The following NAMPT variants were observed in gnomAD, a reference collection of about 807,000 sequenced individuals.
NAMPT encodes NAmPRTase.
Under a neutral mutation model 58.7 loss-of-function variants are expected in NAMPT, and 7 were observed. The observed-to-expected ratio is 0.12, with a 90% CI of 0.07 to 0.22. NAMPT has a LOEUF of 0.22. Ranked by LOEUF, NAMPT falls within the 10% of genes least tolerant of loss-of-function variation. The pLI is 1.00. For missense variants in NAMPT, 271 were observed against 567.9 expected, an observed-to-expected ratio of 0.48 and a Z score of 5.31; for synonymous variants, 145 against 198.1, an observed-to-expected ratio of 0.73 and a Z score of 2.25.
intron 6 of NAMPT, among the ~76,000 whole-genome samples, chr7:106,265,680 C>G (rs889117924): frequency 2.0e-5 from 3 of 150,812 alleles, no homozygotes; most frequent in Admixed American, 1.3e-4. Context: ...AGTTGAATAT[C>G]TTCATCTCAG....
At chr7:106,275,234 C>T in intron 2 of NAMPT, 185 bp from the exon 3 acceptor site, 1 of 401,894 alleles carries the variant, frequency 2.5e-6, no homozygotes. Context: ...TTTAATAACT[C>T]AAAGTATAAA....
At chr7:106,260,888 C>G (rs1364343147) in intron 8 of NAMPT, among the ~76,000 whole-genome samples, 1 of 152,156 alleles carries the variant, frequency 6.6e-6, no homozygotes, top group Non-Finnish European at 1.5e-5. Flanking sequence ...TGCCCTAAAA[C>G]AATCACAGTA....
At chr7:106,254,131 TTAAA>T (rs2115724073) in intron 9 of NAMPT, among the ~76,000 whole-genome samples, 1 of 152,298 alleles carries the variant, frequency 6.6e-6, no homozygotes, top group Non-Finnish European at 1.5e-5. Flanking sequence ...ATTATCTCTC[TTAAA>T]TAATCTTTTT....
intron 3 of NAMPT, 73 bp from the exon 4 acceptor site, chr7:106,272,731 C>A (rs1446820542): frequency 1.9e-6 from 3 of 1,541,870 alleles, no homozygotes; most frequent in Non-Finnish European, 2.7e-6. Context: ...ACTAAAGGTT[C>A]TTTACGTTTT....
At chr7:106,265,523 C>T (rs1190588290) in intron 6 of NAMPT, among the ~76,000 whole-genome samples, 4 of 147,152 alleles carry the variant, frequency 2.7e-5, no homozygotes, top group African/African-American at 7.7e-5. Flanking sequence ...CTGACTTAGG[C>T]ACTTGTCTTC....
chr7:106,264,433 A>G (rs1027393069), intron 6 of NAMPT, among the ~76,000 whole-genome samples: 2 of 152,002 alleles, frequency 1.3e-5, no homozygotes, highest in Admixed American at 1.3e-4. Context: ...AATGCTTGGG[A>G]CCAGAAGTAT....
At chr7:106,257,820 G>A (rs1389921958) in intron 8 of NAMPT, among the ~76,000 whole-genome samples, 1 of 152,232 alleles carries the variant, frequency 6.6e-6, no homozygotes, top group East Asian at 1.9e-4. Flanking sequence ...GGTAGGCACA[G>A]CAACAGGCAG....
intron 2 of NAMPT, 22 bp from the exon 3 acceptor site, chr7:106,275,071 G>T: frequency 6.9e-7 from 1 of 1,448,120 alleles, no homozygotes; most frequent in Non-Finnish European, 9.7e-7. Flanking sequence ...TACATGTCCT[G>T]TTTACATTTC....
In NAMPT at chr7:106,249,069, A is replaced by G. The variant is rs1475659611; in HGVS notation, c.*2014T>C. 1 of 152,136 alleles carries G rather than the reference A, an allele frequency of 6.6e-6. No individual in the cohort carries two copies. The highest frequency in any genetic ancestry group is 6.6e-5 in the Admixed American group (1 of 15,240). The allele number at this position is 152,136 out of a possible 1,614,324, so 9.4% of individuals were successfully genotyped here. A position where few individuals can be genotyped will look rare whatever the true frequency, so the allele number is the denominator to read the frequency against. ...AAACACAAAATTATGGGTGATTATC[A>G]AAACTATTATTGGTAATAGTTTCTT... On this transcript the variant is annotated 3_prime_UTR_variant, in exon 11 of 11. Coordinates refer to ENST00000222553, the MANE Select transcript of NAMPT (RefSeq NM_005746.3).
intron 2 of NAMPT, 47 bp downstream of exon 2, chr7:106,276,976 G>A (rs374552294): frequency 4.4e-5 from 63 of 1,425,890 alleles, no homozygotes; most frequent in Admixed American, 1.0e-4. Flanking sequence ...TCCTAAAGGA[G>A]TTAAGAGTAA....
intron 1 of NAMPT, among the ~76,000 whole-genome samples, chr7:106,277,737 A>T (rs1462021900): frequency 6.6e-6 from 1 of 152,184 alleles, no homozygotes; most frequent in Non-Finnish European, 1.5e-5. Flanking sequence ...CCTGTTTTGT[A>T]ATCTCCCTTT....
At chr7:106,275,342 T>C (rs1385304383) in intron 2 of NAMPT, 2 of 181,546 alleles carry the variant, frequency 1.1e-5, no homozygotes, top group Non-Finnish European at 1.1e-5. Context: ...CTCGATTAAT[T>C]TTGGTACTTT....
chr7:106,254,879 G>A (rs1186177989), intron 8 of NAMPT, among the ~76,000 whole-genome samples: 1 of 152,146 alleles, frequency 6.6e-6, no homozygotes, highest in Non-Finnish European at 1.5e-5. Flanking sequence ...CAAGCAATGG[G>A]AGCCAATTTA....
chr7:106,253,221 C>T (rs1394564405), intron 9 of NAMPT, 70 bp from the exon 10 acceptor site: 11 of 1,500,832 alleles, frequency 7.3e-6, no homozygotes, highest in Non-Finnish European at 1.0e-5. Flanking sequence ...CACTCCCTTA[C>T]AAAAAAGCAC....
At chr7:106,273,588 A>C (rs1252466868) in intron 3 of NAMPT, among the ~76,000 whole-genome samples, 2 of 152,126 alleles carry the variant, frequency 1.3e-5, no homozygotes, top group Non-Finnish European at 2.9e-5. Context: ...ATGGGGTTAG[A>C]CCAGATTATC....
chr7:106,283,313 A>G (rs949661649), intron 1 of NAMPT, among the ~76,000 whole-genome samples: 1 of 152,152 alleles, frequency 6.6e-6, no homozygotes, highest in Non-Finnish European at 1.5e-5. Context: ...CACCCCAGAA[A>G]ACTGATGTTA....
At chr7:106,253,212 ACTCCCTT>A in intron 9 of NAMPT, 61 bp from the exon 10 acceptor site, 3 of 1,551,180 alleles carry the variant, frequency 1.9e-6, no homozygotes, top group Admixed American at 1.9e-5. Context: ...ATGTCTAAAC[ACTCCCTT>A]ACAAAAAAGC....
rs1363611423 is a variant in NAMPT at position 106,261,534 on chromosome 7, A to G, written c.1089+54T>C. The G allele has an allele frequency of 4.4e-6, 6 of 1,363,932 alleles. No homozygotes were observed. The Admixed American group carries it at 1.2e-4, about 28-fold the overall frequency. The allele number at this position is 1,363,932 out of a possible 1,614,324, so 84.5% of individuals were successfully genotyped here. The stretch of plus-strand genomic sequence containing the variant: ...ATATTGTGTTCTTTATCAAACATAA[A>G]CAAACTTAATTATAAGAAATGCCTT... On this transcript the variant is annotated intron_variant, in intron 8 of 10. Transcript: ENST00000222553.
In NAMPT at chr7:106,254,582, T is replaced by C. The variant is rs1273557329; in HGVS notation, c.1090-78A>G. ...TGGAGATTATTTTCAAGGGACAATATTGATGAATGAAGCATCCAAGACTGT... is the reference window on the plus strand; with the variant it reads ...TGGAGATTATTTTCAAGGGACAATACTGATGAATGAAGCATCCAAGACTGT... On this transcript the variant is annotated intron_variant, in intron 8 of 10. Transcript: ENST00000222553. 7 of 1,465,124 alleles carry C rather than the reference T, an allele frequency of 4.8e-6. No individual in the cohort carries two copies. In the Admixed American group the frequency reaches 5.4e-5, roughly 11 times the overall value. The allele number at this position is 1,465,124 out of a possible 1,614,324, so 90.8% of individuals were successfully genotyped here.
Sources: gnomAD v4.1 joint callset for allele counts (sites outside exome capture counted in the v4.1 genomes callset) on GRCh38, gnomAD v4.1.1 for gene constraint, MANE v1.5 for transcripts, NCBI Gene and HGNC (gene_info 2026-07-23, HGNC 2026-07-21) for gene names.